NELL1: variants seen among roughly 807,000 people sequenced by gnomAD.
NELL1 encodes protein kinase C-binding protein NELL1.
In NELL1, 76 loss-of-function variants were observed where a neutral mutation model predicts 107.4. The observed-to-expected ratio is 0.71, with a 90% CI of 0.59 to 0.86. The LOEUF (loss-of-function observed/expected upper bound fraction) is 0.86, where lower values mean the gene tolerates loss of function less well. Among genes scored for constraint, NELL1 ranks in the 40% least tolerant of loss-of-function variants. The pLI, the probability that NELL1 is intolerant of heterozygous loss-of-function variation, is 0.00. For missense variants in NELL1, 1,024 were observed against 1,005.5 expected (o/e 1.02, Z -0.25); for synonymous variants, 353 against 341.2 (o/e 1.03, Z -0.38).
intron 4 of NELL1, among the ~76,000 whole-genome samples, chr11:20,857,983 C>T (rs1044472712): frequency 2.6e-5 from 4 of 152,150 alleles, no homozygotes; most frequent in African/African-American, 9.7e-5. Flanking sequence ...CCTTCAGGCT[C>T]GTAAGAACGT....
intron 14 of NELL1, among the ~76,000 whole-genome samples, chr11:21,263,690 C>A (rs1412681023): frequency 6.6e-6 from 1 of 151,862 alleles, no homozygotes; most frequent in Non-Finnish European, 1.5e-5. Flanking sequence ...TATTTAGCTG[C>A]CATTGTCAGA....
chr11:21,054,474 G>A (rs1248409151), intron 12 of NELL1, among the ~76,000 whole-genome samples: 1 of 151,834 alleles, frequency 6.6e-6, no homozygotes, highest in African/African-American at 2.4e-5. Context: ...AAAGAAAATG[G>A]ATTCTATCAT....
chr11:21,159,872 A>G lies in NELL1; in HGVS notation c.1426+46158A>G, dbSNP rs572267145. Among the ~76,000 whole-genome samples, 3 of 152,200 alleles carry G rather than the reference A, an allele frequency of 2.0e-5. No homozygotes were observed. The South Asian group carries it at 6.2e-4, about 32-fold the overall frequency. ...ATCCCTCTTAGCTGAGCCACCTACT[A>G]TGTTCAGTTTTAGGATTCAGACCTT... On this transcript the variant is annotated intron_variant, in intron 13 of 19. Transcript: ENST00000357134.
intron 14 of NELL1, 37 bp downstream of exon 14, chr11:21,229,491 C>T: frequency 6.2e-7 from 1 of 1,611,968 alleles, no homozygotes; most frequent in Non-Finnish European, 8.5e-7. Flanking sequence ...TGTGAGCAGC[C>T]ATTCTGCCTG....
chr11:21,429,886 C>T (rs1279440078), intron 15 of NELL1, among the ~76,000 whole-genome samples: 1 of 152,064 alleles, frequency 6.6e-6, no homozygotes, highest in Non-Finnish European at 1.5e-5. Flanking sequence ...CAGGAAAGGA[C>T]CCTAGCACTT....
intron 3 of NELL1, among the ~76,000 whole-genome samples, chr11:20,825,448 C>T (rs1857860119): frequency 6.6e-6 from 1 of 151,420 alleles, no homozygotes; most frequent in Admixed American, 6.6e-5. Flanking sequence ...GCCACAGGGG[C>T]AGAGTTGCCC....
At chr11:20,698,774 C>T (rs1160839842) in intron 2 of NELL1, among the ~76,000 whole-genome samples, 1 of 152,148 alleles carries the variant, frequency 6.6e-6, no homozygotes, top group Non-Finnish European at 1.5e-5. Flanking sequence ...TAATGTGTAG[C>T]TTTTTAATCC....
intron 15 of NELL1, among the ~76,000 whole-genome samples, chr11:21,430,544 G>A (rs1852939442): frequency 6.6e-6 from 1 of 152,032 alleles, no homozygotes; most frequent in Non-Finnish European, 1.5e-5. Context: ...TGGCTTTAGG[G>A]AACTATTGTT....
intron 12 of NELL1, among the ~76,000 whole-genome samples, chr11:21,015,424 C>T (rs1308873074): frequency 6.6e-6 from 1 of 152,116 alleles, no homozygotes; most frequent in African/African-American, 2.4e-5. Context: ...TGGTTCCTAC[C>T]TTAGAGTGAC....
chr11:21,218,866 A>G (rs555657913), intron 13 of NELL1, among the ~76,000 whole-genome samples: 57 of 152,298 alleles, frequency 3.7e-4, no homozygotes, highest in Admixed American at 8.5e-4. Context: ...TATACATGAC[A>G]CATTTTGAAT....
At chr11:21,040,827 C>A (rs968858929) in intron 12 of NELL1, among the ~76,000 whole-genome samples, 1 of 152,080 alleles carries the variant, frequency 6.6e-6, no homozygotes, top group African/African-American at 2.4e-5. Flanking sequence ...TATTACACAT[C>A]CTGTTTGTAG....
intron 14 of NELL1, among the ~76,000 whole-genome samples, chr11:21,319,548 A>G (rs1484858661): frequency 6.7e-6 from 1 of 148,520 alleles, no homozygotes. Context: ...TAACATGTTG[A>G]TCAGGCTGGT....
chr11:20,996,729 T>C (rs1397752078), intron 12 of NELL1, among the ~76,000 whole-genome samples: 5 of 152,208 alleles, frequency 3.3e-5, no homozygotes, highest in Non-Finnish European at 7.3e-5. Context: ...TTAGAGGCTC[T>C]CCTTCTAGAC....
chr11:20,808,637 G>A (rs1857435601), intron 3 of NELL1, among the ~76,000 whole-genome samples: 1 of 152,158 alleles, frequency 6.6e-6, no homozygotes, highest in African/African-American at 2.4e-5. Context: ...GTTTATTTAG[G>A]AACCCAGAGA....
At chr11:21,354,255 G>A (rs1850879825) in intron 14 of NELL1, among the ~76,000 whole-genome samples, 1 of 152,060 alleles carries the variant, frequency 6.6e-6, no homozygotes, top group African/African-American at 2.4e-5. Flanking sequence ...TTAGGGGCAG[G>A]GACAGTATTG....
chr11:21,068,059 A>AAAAG (rs1853921075), intron 12 of NELL1, among the ~76,000 whole-genome samples: 1 of 150,250 alleles, frequency 6.7e-6, no homozygotes, highest in South Asian at 2.1e-4. Context: ...AAAAAAAAAA[A>AAAAG]GACCTCTATT....
intron 11 of NELL1, among the ~76,000 whole-genome samples, chr11:20,958,703 T>C (rs1851229176): frequency 6.6e-6 from 1 of 152,172 alleles, no homozygotes; most frequent in South Asian, 2.1e-4. Context: ...CTAAAGGCTA[T>C]ATTAGGAAGA....
At chr11:20,685,760 T>C (rs1854292321) in intron 2 of NELL1, among the ~76,000 whole-genome samples, 1 of 152,072 alleles carries the variant, frequency 6.6e-6, no homozygotes, top group African/African-American at 2.4e-5. Context: ...GCCTTATGCA[T>C]TATTGATGTC....
chr11:21,401,415 G>A (rs945693391), intron 15 of NELL1, among the ~76,000 whole-genome samples: 3 of 151,732 alleles, frequency 2.0e-5, no homozygotes, highest in African/African-American at 7.3e-5. Flanking sequence ...AATGAAAATC[G>A]CTTACTTGAC....
Sources: gnomAD v4.1 joint callset for allele counts (sites outside exome capture counted in the v4.1 genomes callset) on GRCh38, gnomAD v4.1.1 for gene constraint, MANE v1.5 for transcripts, NCBI Gene and HGNC (gene_info 2026-07-23, HGNC 2026-07-21) for gene names.